The following RBMS3 variants were observed in gnomAD, a reference collection of about 807,000 sequenced individuals.
RBMS3 encodes the protein RNA-binding motif, single-stranded-interacting protein 3.
In RBMS3, 27 loss-of-function variants were observed where a neutral mutation model predicts 66.8. The ratio of observed to expected loss-of-function variants is 0.40; its 90% CI spans 0.30 to 0.56. The LOEUF is 0.56. Ranked by LOEUF, RBMS3 falls within the 20% of genes least tolerant of loss-of-function variation. The pLI is 0.40. For missense variants in RBMS3, 513 were observed against 549.5 expected, an observed-to-expected ratio of 0.93 and a Z score of 0.66; for synonymous variants, 188 against 183.0, an observed-to-expected ratio of 1.03 and a Z score of -0.22.
At chr3:29,814,562 G>C (rs1004902519) in intron 6 of RBMS3, among the ~76,000 whole-genome samples, 27 of 152,174 alleles carry the variant, frequency 1.8e-4, no homozygotes, top group Admixed American at 2.6e-4. Context: ...AATGGTACCA[G>C]TTCCTCCTTG....
chr3:29,390,606 A>C (rs1266506872), intron 1 of RBMS3, among the ~76,000 whole-genome samples: 1 of 152,214 alleles, frequency 6.6e-6, no homozygotes, highest in African/African-American at 2.4e-5. Flanking sequence ...TAATATATAC[A>C]ACCTTTCTGA....
chr3:29,884,152 C>CT lies in RBMS3; in HGVS notation c.745-9dup. ...AGATTTGTTTTCTTCCCTCTTCATC[C>CT]TATATACAGGCTGGCATGGCTTTGA... On this transcript the variant is annotated splice_polypyrimidine_tract_variant and intron_variant, in intron 7 of 14. Coordinates refer to ENST00000383767, the MANE Select transcript of RBMS3 (RefSeq NM_001003793.3). 6.2e-7 allele frequency: 1 copy of CT among 1,610,176 alleles called. No individual in the cohort carries two copies. The highest frequency in any genetic ancestry group is 8.5e-7 in the Non-Finnish European group (1 of 1,177,416).
intron 3 of RBMS3, among the ~76,000 whole-genome samples, chr3:29,521,054 C>A (rs778659394): frequency 6.6e-6 from 1 of 151,994 alleles, no homozygotes; most frequent in Admixed American, 6.6e-5. Context: ...TAAAATAGCA[C>A]CCTGTCACTC....
At chr3:29,320,878 CAGAG>C (rs2034968935) in intron 1 of RBMS3, among the ~76,000 whole-genome samples, 1 of 150,994 alleles carries the variant, frequency 6.6e-6, no homozygotes, top group Admixed American at 6.6e-5. Context: ...ACTTTGAAGT[CAGAG>C]AGGACAAAAT....
At chr3:29,954,488 T>G (rs997338626) in intron 12 of RBMS3, among the ~76,000 whole-genome samples, 2 of 151,994 alleles carry the variant, frequency 1.3e-5, no homozygotes, top group African/African-American at 4.8e-5. Context: ...AGTTTAAGAT[T>G]GTTAGAGTCT....
At chr3:29,873,633 A>C (rs1315426290) in intron 7 of RBMS3, among the ~76,000 whole-genome samples, 3 of 152,098 alleles carry the variant, frequency 2.0e-5, no homozygotes, top group Admixed American at 2.0e-4. Flanking sequence ...GTTGAATAGA[A>C]GTGTTGAGAG....
At chr3:29,965,518 T>A (rs1181202512) in intron 12 of RBMS3, among the ~76,000 whole-genome samples, 1 of 152,168 alleles carries the variant, frequency 6.6e-6, no homozygotes, top group Admixed American at 6.5e-5. Flanking sequence ...TGGCCATTTG[T>A]ATATCTTCTT....
Position 29,350,702 on chromosome 3 carries a change from G to A in RBMS3, c.75+68946G>A, listed in dbSNP as rs567190164. Among the ~76,000 whole-genome samples the A allele has an allele frequency of 2.0e-5, 3 of 152,166 alleles. No homozygotes were observed. In the South Asian group the frequency reaches 6.2e-4, roughly 32 times the overall value. On this transcript the variant is annotated intron_variant, in intron 1 of 14. Transcript: ENST00000383767. ...TGGAGTATCTTAGTTTCTTTTGAAT[G>A]GTAATCGATTGTTTAGGGGAATAGT...
chr3:29,645,283 T>A (rs972450722), intron 4 of RBMS3, among the ~76,000 whole-genome samples: 1 of 152,226 alleles, frequency 6.6e-6, no homozygotes, highest in Admixed American at 6.5e-5. Flanking sequence ...GATTGTGATC[T>A]GCAAATCGGT....
intron 10 of RBMS3, among the ~76,000 whole-genome samples, chr3:29,928,118 T>A (rs2060989472): frequency 6.7e-6 from 1 of 148,816 alleles, no homozygotes; most frequent in African/African-American, 2.5e-5. Context: ...TTAACACTGT[T>A]TCCCTTATAA....
intron 6 of RBMS3, among the ~76,000 whole-genome samples, chr3:29,832,626 T>G (rs2058402488): frequency 6.6e-6 from 1 of 152,144 alleles, no homozygotes; most frequent in Non-Finnish European, 1.5e-5. Flanking sequence ...AGTGTCCAGT[T>G]CCCCTAGCTG....
intron 1 of RBMS3, among the ~76,000 whole-genome samples, chr3:29,290,377 C>T (rs1016674084): frequency 2.6e-5 from 4 of 151,716 alleles, no homozygotes; most frequent in African/African-American, 9.7e-5. Context: ...CCGGGATACT[C>T]AACAGATAAA....
chr3:29,288,006 T>G (rs1036755094), intron 1 of RBMS3, among the ~76,000 whole-genome samples: 2 of 152,078 alleles, frequency 1.3e-5, no homozygotes, highest in African/African-American at 4.8e-5. Flanking sequence ...TCAGGGAGTA[T>G]GTATTATGTG....
intron 1 of RBMS3, among the ~76,000 whole-genome samples, chr3:29,420,866 AGGCCGAGGC>A (rs1369154013): frequency 1.3e-5 from 2 of 150,968 alleles, no homozygotes; most frequent in African/African-American, 4.9e-5. Flanking sequence ...GCACTTTGGG[AGGCCGAGGC>A]GGGTGGATCA....
chr3:29,285,839 G>A (rs1056783607), intron 1 of RBMS3, among the ~76,000 whole-genome samples: 2 of 152,084 alleles, frequency 1.3e-5, no homozygotes, highest in African/African-American at 2.4e-5. Flanking sequence ...CTTCCACGGA[G>A]CAAAGGATAT....
intron 4 of RBMS3, among the ~76,000 whole-genome samples, chr3:29,669,741 T>G (rs2050916186): frequency 6.6e-6 from 1 of 152,192 alleles, no homozygotes; most frequent in African/African-American, 2.4e-5. Context: ...TCCTTTTTGT[T>G]GTTCATGTTC....
At chr3:29,740,018 C>T (rs997031327) in intron 5 of RBMS3, 141 bp downstream of exon 5, 12 of 625,388 alleles carry the variant, frequency 1.9e-5, no homozygotes, top group Non-Finnish European at 2.5e-5. Flanking sequence ...AATCTGTCAT[C>T]CCTCTGTGTC....
rs562153660 is a variant in RBMS3 at position 29,439,962 on chromosome 3, A to G, written c.248+5047A>G. The stretch of plus-strand genomic sequence containing the variant: ...CCTTTATGCTTATCTCAGGAAGACC[A>G]GACGGAAGTCGGAGAAGATAGATTT... On this transcript the variant is annotated intron_variant, in intron 2 of 14. Transcript: ENST00000383767. Among the ~76,000 whole-genome samples, 138 of 152,344 alleles carry G rather than the reference A, an allele frequency of 9.1e-4. 1 individual carries two copies. Among genetic ancestry groups the G allele is most frequent in the Middle Eastern group, 6.8e-3 (2 of 294 alleles).
chr3:29,581,111 T>A (rs1384339339), intron 3 of RBMS3, among the ~76,000 whole-genome samples: 1 of 152,188 alleles, frequency 6.6e-6, no homozygotes, highest in Non-Finnish European at 1.5e-5. Context: ...TTTGCCTTTA[T>A]TTTTTCACAA....
Sources: allele counts gnomAD v4.1 joint callset (sites outside exome capture counted in the v4.1 genomes callset), GRCh38; gene constraint gnomAD v4.1.1; transcripts MANE v1.5; gene names NCBI Gene and HGNC (gene_info 2026-07-23, HGNC 2026-07-21).